Variants in MTMR7 observed in about 807,000 individuals in gnomAD.
MTMR7 encodes phosphatidylinositol-3-phosphate phosphatase MTMR7.
MTMR7 carries 76 observed loss-of-function variants against 81.2 expected under a neutral mutation model. The observed-to-expected ratio is 0.94, with a 90% CI of 0.78 to 1.13. MTMR7 has a LOEUF of 1.13. Ranked by LOEUF, MTMR7 falls within the 50% of genes most tolerant of loss-of-function variation. The probability of loss-of-function intolerance (pLI) is 0.00; values close to 1 mark genes in which losing one functional copy is unlikely to be tolerated. For synonymous variants in MTMR7, 372 were observed against 289.8 expected, an observed-to-expected ratio of 1.28 and a Z score of -2.88; for missense variants, 1,044 against 820.0, an observed-to-expected ratio of 1.27 and a Z score of -3.34.
intron 1 of MTMR7, among the ~76,000 whole-genome samples, chr8:17,386,483 C>T (rs769616347): frequency 3.9e-5 from 6 of 152,230 alleles, no homozygotes; most frequent in African/African-American, 9.6e-5. Context: ...AAATCTCAAC[C>T]TCATATGGCT....
At chr8:17,356,441 G>A (rs551856681) in intron 4 of MTMR7, among the ~76,000 whole-genome samples, 1 of 152,108 alleles carries the variant, frequency 6.6e-6, no homozygotes, top group African/African-American at 2.4e-5. Flanking sequence ...TGGCTTGCCT[G>A]TAATCCCAAC....
chr8:17,406,322 A>C lies in MTMR7; in HGVS notation c.24+6947T>G, dbSNP rs564764471. ...ATTTAATAAAAATAACTCAAGAAAGAAACAAAGGAATTGAATAAGCATTTC... is the reference window on the plus strand; with the variant it reads ...ATTTAATAAAAATAACTCAAGAAAGCAACAAAGGAATTGAATAAGCATTTC... On this transcript the variant is annotated intron_variant, in intron 1 of 13. Coordinates refer to ENST00000180173, the MANE Select transcript of MTMR7 (RefSeq NM_004686.5). Among the ~76,000 whole-genome samples the C allele has an allele frequency of 1.8e-4, 28 of 152,312 alleles. No homozygotes were observed. In the South Asian group the frequency reaches 5.8e-3, roughly 32 times the overall value.
At chr8:17,393,427 G>A (rs1821159818) in intron 1 of MTMR7, among the ~76,000 whole-genome samples, 1 of 152,100 alleles carries the variant, frequency 6.6e-6, no homozygotes, top group Non-Finnish European at 1.5e-5. Flanking sequence ...AGATAACAAT[G>A]AGAAAGACAC....
At chr8:17,311,860 A>C (rs1373543388) in intron 8 of MTMR7, 1 of 592,514 alleles carries the variant, frequency 1.7e-6, no homozygotes, top group African/African-American at 1.9e-5. Flanking sequence ...GCCACCACTC[A>C]AGTCACCTCC....
At chr8:17,405,556 C>T (rs952582389) in intron 1 of MTMR7, among the ~76,000 whole-genome samples, 1 of 152,034 alleles carries the variant, frequency 6.6e-6, no homozygotes. Context: ...ATCTTTATTA[C>T]CCCGGACAGC....
Position 17,386,156 on chromosome 8 carries a change from G to C in MTMR7, c.25-12916C>G, listed in dbSNP as rs1259900532. Reference sequence around the variant, plus strand: ...TTTGGGAGCCTGAGGCAGGAGGACTGCTTGAGCCCAGGAGTTAGAGACCAG... The same window carrying C: ...TTTGGGAGCCTGAGGCAGGAGGACTCCTTGAGCCCAGGAGTTAGAGACCAG... On this transcript the variant is annotated intron_variant, in intron 1 of 13. Coordinates refer to ENST00000180173, the MANE Select transcript of MTMR7 (RefSeq NM_004686.5). Among the ~76,000 whole-genome samples the C allele has an allele frequency of 2.0e-5, 3 of 152,148 alleles. No individual in the cohort carries two copies. In the South Asian group the frequency reaches 6.2e-4, roughly 32 times the overall value.
chr8:17,387,063 C>A (rs1247147183), intron 1 of MTMR7, among the ~76,000 whole-genome samples: 1 of 152,210 alleles, frequency 6.6e-6, no homozygotes, highest in Admixed American at 6.5e-5. Flanking sequence ...CTAGCCCCAC[C>A]TTACCGGCTA....
intron 1 of MTMR7, among the ~76,000 whole-genome samples, chr8:17,388,253 C>A (rs1484770834): frequency 6.6e-6 from 1 of 152,150 alleles, no homozygotes; most frequent in Non-Finnish European, 1.5e-5. Context: ...GGATTTATTT[C>A]AACACCACCT....
chr8:17,348,499 G>T lies in MTMR7; in HGVS notation c.597+454C>A, dbSNP rs547269009. ...TGGGAGGCAGAGGTTGCAGTGAGCC[G>T]AGATTGCACCACTGCACTCTAGCCC... On this transcript the variant is annotated intron_variant, in intron 5 of 13. Transcript: ENST00000180173. Among the ~76,000 whole-genome samples, 3 of 147,878 alleles carry T rather than the reference G, an allele frequency of 2.0e-5. No individual in the cohort carries two copies. The East Asian group carries it at 5.9e-4, about 29-fold the overall frequency.
At chr8:17,343,151 G>T (rs1218461009) in intron 5 of MTMR7, among the ~76,000 whole-genome samples, 6 of 152,196 alleles carry the variant, frequency 3.9e-5, no homozygotes, top group Non-Finnish European at 8.8e-5. Flanking sequence ...AGTTAGCCCA[G>T]TGTGGTGGCT....
At chr8:17,395,021 C>T (rs1433597291) in intron 1 of MTMR7, among the ~76,000 whole-genome samples, 1 of 152,074 alleles carries the variant, frequency 6.6e-6, no homozygotes, top group Non-Finnish European at 1.5e-5. Flanking sequence ...TATCAATTTC[C>T]AAAACTTTCT....
intron 7 of MTMR7, among the ~76,000 whole-genome samples, chr8:17,324,278 G>A (rs1191205860): frequency 1.3e-5 from 2 of 152,210 alleles, no homozygotes; most frequent in African/African-American, 4.8e-5. Context: ...GAGCGTCTGC[G>A]ATAAATGTCC....
chr8:17,375,385 A>G (rs965747852), intron 1 of MTMR7, among the ~76,000 whole-genome samples: 42 of 151,978 alleles, frequency 2.8e-4, no homozygotes, highest in African/African-American at 1.0e-3. Flanking sequence ...TATACAATTT[A>G]CTCTGGAGCA....
At position 17,413,294 on chromosome 8, in the gene MTMR7, G is replaced by A. The variant is rs1199684682; in HGVS notation, c.-2C>T. On this transcript the variant is annotated 5_prime_UTR_variant, in exon 1 of 14. Coordinates refer to ENST00000180173, the MANE Select transcript of MTMR7 (RefSeq NM_004686.5). The stretch of plus-strand genomic sequence containing the variant: ...CTTGGGCGTACGGATGTGCTCCATG[G>A]CTGGCCCACGTCTGCAGGGTCCCGG... 8 of 1,545,790 alleles carry A rather than the reference G, an allele frequency of 5.2e-6. No individual in the cohort carries two copies. In the African/African-American group the frequency reaches 5.5e-5, roughly 11 times the overall value.
Position 17,305,806 on chromosome 8 carries a change from G to C in MTMR7, c.1303C>G (p.Gln435Glu), listed in dbSNP as rs773325444. ...IHIQHHIYSC[Q>E]FGNFLCNSQK... ...CTGTTACATAGGAAGTTTCCAAACT[G>C]GCAGGAATAAATGTGATGTTGAATG... Residue 435 changes from glutamine (Q) to glutamate (E), a missense_variant, in exon 11 of 14, where the codon CAG becomes GAG. Gln to Glu is a conservative substitution (Grantham distance 29). Coordinates refer to ENST00000180173, the MANE Select transcript of MTMR7 (RefSeq NM_004686.5). The C allele has an allele frequency of 1.1e-5, 17 of 1,613,476 alleles. No individual in the cohort carries two copies. Among genetic ancestry groups the C allele is most frequent in the Non-Finnish European group, 1.4e-5 (17 of 1,179,604 alleles).
Position 17,373,194 on chromosome 8 carries a change from G to A in MTMR7, c.71C>T (p.Ala24Val), listed in dbSNP as rs1283461472. 3 of 1,613,428 alleles carry A rather than the reference G, an allele frequency of 1.9e-6. No individual in the cohort carries two copies. The highest frequency in any genetic ancestry group is 2.2e-5 in the South Asian group (2 of 91,054). ...AGCCGTCAAATACAAAGTACCTAGAGCTGCTTTTTTAGGAGACACTCGATC... is the reference window on the plus strand; with the variant it reads ...AGCCGTCAAATACAAAGTACCTAGAACTGCTTTTTTAGGAGACACTCGATC... ...LVDRVSPKKA[A>V]LGTLYLTATH... The change falls in exon 2 of 14, where the codon GCT becomes GTT. Residue 24 changes from alanine (A) to valine (V), a missense_variant. Physicochemically the swap from Ala to Val is moderately conservative, Grantham distance 64. Coordinates refer to ENST00000180173, the MANE Select transcript of MTMR7 (RefSeq NM_004686.5).
chr8:17,299,760 A>ATGACATGCACCATT lies in MTMR7; in HGVS notation c.*88_*101dup, dbSNP rs1816978903. 3.3e-6 allele frequency: 5 copies of ATGACATGCACCATT among 1,493,106 alleles called. No individual in the cohort carries two copies. The highest frequency in any genetic ancestry group is 3.6e-6 in the Non-Finnish European group (4 of 1,106,736). 92.5% of individuals were successfully genotyped at this position (1,493,106 alleles called of 1,614,324 possible). On this transcript the variant is annotated 3_prime_UTR_variant, in exon 14 of 14. Coordinates refer to ENST00000180173, the MANE Select transcript of MTMR7 (RefSeq NM_004686.5). The stretch of plus-strand genomic sequence containing the variant: ...CATAGCTGCATTAAAGTAGTTCTCA[A>ATGACATGCACCATT]TGACATGCACCATTTCCTGTTTTTA...
intron 1 of MTMR7, among the ~76,000 whole-genome samples, chr8:17,373,505 C>T: frequency 8.1e-6 from 1 of 124,048 alleles, no homozygotes. Context: ...AATACCCTCT[C>T]TGGGTTTTAC....
chr8:17,336,717 C>T (rs969709929), intron 6 of MTMR7, among the ~76,000 whole-genome samples: 17 of 152,318 alleles, frequency 1.1e-4, no homozygotes, highest in African/African-American at 3.6e-4. Flanking sequence ...AGCGCTGCCT[C>T]GCCCTCGGCC....
Sources: gnomAD v4.1 joint callset for allele counts (sites outside exome capture counted in the v4.1 genomes callset) on GRCh38, gnomAD v4.1.1 for gene constraint, MANE v1.5 for transcripts, NCBI Gene and HGNC (gene_info 2026-07-23, HGNC 2026-07-21) for gene names.